Variants in SIPA1L1 observed in about 807,000 individuals in gnomAD.
SIPA1L1 encodes the protein signal induced proliferation associated 1 like 1, also known as signal-induced proliferation-associated 1-like protein 1.
In SIPA1L1, 26 loss-of-function variants were observed where a neutral mutation model predicts 162.7. The observed-to-expected ratio is 0.16, with a 90% CI of 0.12 to 0.22. The LOEUF (loss-of-function observed/expected upper bound fraction) is 0.22, where lower values mean the gene tolerates loss of function less well. SIPA1L1 is among the 10% of genes least tolerant of loss of function. The probability of loss-of-function intolerance (pLI) is 1.00; values close to 1 mark genes in which losing one functional copy is unlikely to be tolerated. For missense variants in SIPA1L1, 1,874 were observed against 2,241.0 expected (o/e 0.84, Z 3.31); for synonymous variants, 829 against 837.4 (o/e 0.99, Z 0.17).
rs1328962002 is a variant in SIPA1L1, at chr14:71,733,670, G to T, written c.4866G>T (p.Glu1622Asp). ...ATTCCTCCTCCCTTCCCGCAGGAGAGTTCTCAGCCTCGGACAGCTCCCTCA... is the reference window on the plus strand; with the variant it reads ...ATTCCTCCTCCCTTCCCGCAGGAGATTTCTCAGCCTCGGACAGCTCCCTCA... ...YTLGMKSLHG[E>D]FSASDSSLTD... The change falls in exon 21 of 24, where the codon GAG becomes GAT. Residue 1622 changes from glutamate (E) to aspartate (D), a missense_variant. Physicochemically the swap from Glu to Asp is conservative, Grantham distance 45 (BLOSUM62 2). Around this residue, in one of 5 missense-constraint regions of SIPA1L1, gnomAD observed 936 missense variants for 1,051.9 expected, o/e 0.89. Coordinates refer to ENST00000381232, the MANE Select transcript of SIPA1L1 (RefSeq NM_001386936.1). The T allele has an allele frequency of 5.6e-6, 9 of 1,613,792 alleles. No homozygotes were observed. Among genetic ancestry groups the T allele is most frequent in the Non-Finnish European group, 7.6e-6 (9 of 1,179,966 alleles).
chr14:71,348,797 A>G (rs543412188), intron 2 of SIPA1L1, among the ~76,000 whole-genome samples: 1 of 152,352 alleles, frequency 6.6e-6, no homozygotes, highest in South Asian at 2.1e-4. Flanking sequence ...TTTTTCAGAC[A>G]GAGAAGGGTA....
chr14:71,539,770 G>A (rs2054218899), intron 4 of SIPA1L1, among the ~76,000 whole-genome samples: 1 of 152,200 alleles, frequency 6.6e-6, no homozygotes, highest in Non-Finnish European at 1.5e-5. Flanking sequence ...GGAGAGATGT[G>A]TGACCTGGAC....
At chr14:71,695,435 A>G (rs2081551994) in intron 13 of SIPA1L1, among the ~76,000 whole-genome samples, 1 of 152,228 alleles carries the variant, frequency 6.6e-6, no homozygotes, top group Non-Finnish European at 1.5e-5. Context: ...TACATTTGCC[A>G]AATAAGAAAG....
chr14:71,450,901 G>C (rs1470916725), intron 2 of SIPA1L1, among the ~76,000 whole-genome samples: 1 of 152,088 alleles, frequency 6.6e-6, no homozygotes, highest in Admixed American at 6.6e-5. Context: ...TCCGCTGCTG[G>C]GTATATATCC....
At chr14:71,327,436 T>C (rs2033966287) in intron 2 of SIPA1L1, among the ~76,000 whole-genome samples, 1 of 152,232 alleles carries the variant, frequency 6.6e-6, no homozygotes, top group Non-Finnish European at 1.5e-5. Context: ...TCTTGATGCT[T>C]ATCATCAGTT....
At chr14:71,531,676 C>T (rs371667115) in intron 4 of SIPA1L1, among the ~76,000 whole-genome samples, 169 of 152,156 alleles carry the variant, frequency 1.1e-3, no homozygotes, top group African/African-American at 3.8e-3. Flanking sequence ...GTGATCCTCC[C>T]ACCTCAGCCT....
chr14:71,581,610 G>A (rs1242575182), intron 4 of SIPA1L1, among the ~76,000 whole-genome samples: 2 of 152,110 alleles, frequency 1.3e-5, no homozygotes, highest in Admixed American at 6.5e-5. Flanking sequence ...TCAATTTACA[G>A]TATTGGGTGA....
intron 4 of SIPA1L1, among the ~76,000 whole-genome samples, chr14:71,564,353 TTTTC>T (rs2029867599): frequency 6.6e-6 from 1 of 151,716 alleles, no homozygotes; most frequent in South Asian, 2.1e-4. Context: ...GTGACTTTTT[TTTTC>T]TTTTTCTTCT....
Position 71,730,134 on chromosome 14 carries a change from A to T in SIPA1L1, c.4694A>T (p.Asp1565Val). The stretch of plus-strand genomic sequence containing the variant: ...CGGGCCTTGCACAGAACACTGTCGG[A>T]CGAGAGCATTTACAATAGCCAGAGG... ...SRRALHRTLSDESIYNSQREH... is the reference protein window; with the variant it reads ...SRRALHRTLSVESIYNSQREH... The change falls in exon 20 of 24, where the codon GAC becomes GTC. Residue 1565 changes from aspartate to valine, a missense_variant. Asp to Val is a radical substitution (Grantham distance 152, BLOSUM62 -3). This residue lies in a region of SIPA1L1 where 936 missense variants were observed against 1,051.9 expected (regional missense o/e 0.89). Transcript: ENST00000381232. 6.2e-7 allele frequency: 1 copy of T among 1,614,128 alleles called. No homozygotes were observed. Among genetic ancestry groups the T allele is most frequent in the Non-Finnish European group, 8.5e-7 (1 of 1,180,012 alleles).
chr14:71,691,730 A>G (rs988259636), intron 13 of SIPA1L1, among the ~76,000 whole-genome samples: 5 of 151,756 alleles, frequency 3.3e-5, no homozygotes, highest in African/African-American at 9.7e-5. Flanking sequence ...GAGCTCCTCT[A>G]CTTGGTGCAC....
At chr14:71,733,936 C>T (rs1359475637) in intron 21 of SIPA1L1, 124 bp downstream of exon 21, 2 of 1,059,056 alleles carry the variant, frequency 1.9e-6, no homozygotes, top group African/African-American at 3.2e-5. Flanking sequence ...CTATCAGTTA[C>T]TGAGCATTCA....
In SIPA1L1 at chr14:71,553,028, C is replaced by T. The variant is rs76553880; in HGVS notation, c.-303+23658C>T. On this transcript the variant is annotated intron_variant, in intron 4 of 23. Coordinates refer to ENST00000381232, the MANE Select transcript of SIPA1L1 (RefSeq NM_001386936.1). Reference sequence around the variant, plus strand: ...ATAGCGCCTCCTCAGTTCAGATTGCCGATATCTCCAAATGCTGCTTAGTGT... The same window carrying T: ...ATAGCGCCTCCTCAGTTCAGATTGCTGATATCTCCAAATGCTGCTTAGTGT... Among the ~76,000 whole-genome samples, 960 of 152,206 alleles carry T rather than the reference C, an allele frequency of 6.3e-3. 6 individuals are homozygous for T. The highest frequency in any genetic ancestry group is 0.022 in the African/African-American group (903 of 41,534).
chr14:71,499,467 T>C (rs1467855646), intron 2 of SIPA1L1, among the ~76,000 whole-genome samples: 1 of 152,234 alleles, frequency 6.6e-6, no homozygotes, highest in Non-Finnish European at 1.5e-5. Context: ...TAAAGTACTT[T>C]GCTGCTTTGC....
intron 2 of SIPA1L1, among the ~76,000 whole-genome samples, chr14:71,395,296 A>C (rs917705792): frequency 2.0e-5 from 3 of 152,172 alleles, no homozygotes; most frequent in Admixed American, 1.3e-4. Context: ...TGAGTTGTAC[A>C]TAGGCTCATA....
intron 7 of SIPA1L1, among the ~76,000 whole-genome samples, chr14:71,627,429 G>C (rs2040139806): frequency 6.6e-6 from 1 of 151,908 alleles, no homozygotes. Flanking sequence ...TTACAGATGT[G>C]AGCCACCACG....
At chr14:71,389,360 T>G (rs776870317) in intron 2 of SIPA1L1, among the ~76,000 whole-genome samples, 3 of 152,244 alleles carry the variant, frequency 2.0e-5, no homozygotes, top group Non-Finnish European at 2.9e-5. Context: ...AAACTGTGCA[T>G]TCCTTCATAG....
chr14:71,690,100 C>T (rs543136163), intron 13 of SIPA1L1, among the ~76,000 whole-genome samples: 1 of 152,296 alleles, frequency 6.6e-6, no homozygotes, highest in South Asian at 2.1e-4. Flanking sequence ...TGGTTAGAAG[C>T]CTCAGACTTG....
At chr14:71,323,572 C>T (rs1012222604) in intron 2 of SIPA1L1, among the ~76,000 whole-genome samples, 9 of 152,128 alleles carry the variant, frequency 5.9e-5, no homozygotes, top group African/African-American at 1.9e-4. Flanking sequence ...TAGATTTTCT[C>T]TATGGAAGAC....
At position 71,488,778 on chromosome 14, in the gene SIPA1L1, G is replaced by T. The variant is rs530214398; in HGVS notation, c.-464-23965G>T. On this transcript the variant is annotated intron_variant, in intron 2 of 23. Coordinates refer to ENST00000381232, the MANE Select transcript of SIPA1L1 (RefSeq NM_001386936.1). Reference sequence around the variant, plus strand: ...AAGCTTGAAAATACTGTAGGTTTTTGTTGGCATCTTCTTCTGGATGGTATT... The same window carrying T: ...AAGCTTGAAAATACTGTAGGTTTTTTTTGGCATCTTCTTCTGGATGGTATT... 1.0e-3 allele frequency among the ~76,000 whole-genome samples: 157 copies of T among 152,276 alleles called. 4 individuals are homozygous for T. In the South Asian group the frequency reaches 0.02, roughly 20 times the overall value.
Sources: gnomAD v4.1 joint callset for allele counts (sites outside exome capture counted in the v4.1 genomes callset) on GRCh38, gnomAD v4.1.1 for gene constraint, gnomAD v4.1.1 regional missense constraint, MANE v1.5 for transcripts, NCBI Gene and HGNC (gene_info 2026-07-23, HGNC 2026-07-21) for gene names.